Variants in FER observed in about 807,000 individuals in gnomAD.
The protein encoded by FER is FER tyrosine kinase, also known as tyrosine-protein kinase Fer.
FER carries 63 observed loss-of-function variants against 111.0 expected under a neutral mutation model. That is an observed-to-expected ratio of 0.57 (90% confidence interval 0.46 to 0.70). FER has a LOEUF of 0.70. FER is among the 30% of genes least tolerant of loss of function. The pLI, the probability that FER is intolerant of heterozygous loss-of-function variation, is 0.00. For missense variants in FER, 914 were observed against 954.0 expected (o/e 0.96, Z 0.55); for synonymous variants, 327 against 313.9 (o/e 1.04, Z -0.44).
At chr5:109,139,746 C>T (rs1439956099) in intron 17 of FER, among the ~76,000 whole-genome samples, 2 of 151,726 alleles carry the variant, frequency 1.3e-5, no homozygotes, top group African/African-American at 4.8e-5. Flanking sequence ...GCTGACATGC[C>T]CTAATGCTTA....
At chr5:108,790,999 A>T (rs978900936) in intron 2 of FER, among the ~76,000 whole-genome samples, 7 of 152,214 alleles carry the variant, frequency 4.6e-5, no homozygotes. Flanking sequence ...TTGCCAAATT[A>T]TATTCCATTG....
At chr5:109,081,719 A>T (rs932529039) in intron 16 of FER, among the ~76,000 whole-genome samples, 2 of 152,062 alleles carry the variant, frequency 1.3e-5, no homozygotes, top group African/African-American at 4.8e-5. Context: ...AGAGAAATGT[A>T]AGTCTTAGAA....
intron 7 of FER, among the ~76,000 whole-genome samples, 185 bp downstream of exon 7, chr5:108,871,687 G>T (rs1264070471): frequency 6.6e-6 from 1 of 151,740 alleles, no homozygotes; most frequent in Non-Finnish European, 1.5e-5. Flanking sequence ...ATAATGTATA[G>T]TTTTTGATAT....
chr5:108,822,764 T>TTTTATG lies in FER; in HGVS notation c.208-10004_208-10003insTATGTT, dbSNP rs1561470114. On this transcript the variant is annotated intron_variant, in intron 3 of 19. Coordinates refer to ENST00000281092, the MANE Select transcript of FER (RefSeq NM_005246.4). Reference sequence around the variant, plus strand: ...TTTTATTTTATTTTATTTTATTTTATTTATTTTATTTTATGTTATTTTATG... The same window carrying TTTTATG: ...TTTTATTTTATTTTATTTTATTTTATTTTATGTTATTTTATTTTATGTTATTTTATG... Among the ~76,000 whole-genome samples the TTTTATG allele has an allele frequency of 1.2e-4, 5 of 43,168 alleles. No individual in the cohort carries two copies. In the African/African-American group the frequency reaches 2.5e-3, roughly 22 times the overall value. The allele number at this position is 43,168 out of a possible 152,430, so 28.3% of individuals were successfully genotyped here. A position where few individuals can be genotyped will look rare whatever the true frequency, so the allele number is the denominator to read the frequency against.
rs1017026834 is a variant in FER at position 109,191,603 on chromosome 5, A to G, written c.*4028A>G. On this transcript the variant is annotated 3_prime_UTR_variant, in exon 20 of 20. Transcript: ENST00000281092. ...AGGTATTAATATCTTAATTAAATGG[A>G]ATCAGATTTTGTATGGAAATGAGTT... 6.6e-6 allele frequency: 1 copy of G among 152,168 alleles called. No homozygotes were observed. The highest frequency in any genetic ancestry group is 1.5e-5 in the Non-Finnish European group (1 of 68,018). The allele number at this position is 152,168 out of a possible 1,614,324, so 9.4% of individuals were successfully genotyped here. A position where few individuals can be genotyped will look rare whatever the true frequency, so the allele number is the denominator to read the frequency against.
intron 3 of FER, among the ~76,000 whole-genome samples, chr5:108,811,831 C>G (rs893904239): frequency 2.0e-5 from 3 of 152,166 alleles, no homozygotes; most frequent in Non-Finnish European, 4.4e-5. Flanking sequence ...AGATGAATAT[C>G]TGTTCTAGAA....
At chr5:109,120,612 C>T (rs1190299084) in intron 17 of FER, among the ~76,000 whole-genome samples, 1 of 151,812 alleles carries the variant, frequency 6.6e-6, no homozygotes, top group African/African-American at 2.4e-5. Flanking sequence ...TAAATTTTAG[C>T]TTTGTTTTTT....
At chr5:108,812,503 C>T (rs1015260087) in intron 3 of FER, among the ~76,000 whole-genome samples, 5 of 152,034 alleles carry the variant, frequency 3.3e-5, no homozygotes, top group African/African-American at 1.2e-4. Context: ...TGCTTGGTTT[C>T]CTAATATGAC....
chr5:108,751,292 T>A (rs1249794163), intron 1 of FER, among the ~76,000 whole-genome samples: 1 of 152,120 alleles, frequency 6.6e-6, no homozygotes, highest in Admixed American at 6.5e-5. Context: ...CACCAAATTA[T>A]AAGGTGCTTA....
intron 13 of FER, among the ~76,000 whole-genome samples, chr5:108,988,697 A>G (rs188622675): frequency 2.6e-5 from 4 of 152,188 alleles, no homozygotes; most frequent in African/African-American, 7.2e-5. Flanking sequence ...TAATGCTGCT[A>G]ATGATCTATC....
At chr5:109,010,468 T>A (rs1182766828) in intron 13 of FER, among the ~76,000 whole-genome samples, 1 of 152,126 alleles carries the variant, frequency 6.6e-6, no homozygotes, top group Non-Finnish European at 1.5e-5. Flanking sequence ...TTTTTATCCT[T>A]CTTTAAATGT....
rs1487270133 is a variant in FER at position 109,196,057 on chromosome 5, A to G, written c.*8482A>G. The G allele has an allele frequency of 3.2e-4, 48 of 152,224 alleles. No homozygotes were observed. Among genetic ancestry groups the G allele is most frequent in the Non-Finnish European group, 5.9e-5 (4 of 68,050 alleles). The allele number at this position is 152,224 out of a possible 1,614,324, so 9.4% of individuals were successfully genotyped here. On this transcript the variant is annotated 3_prime_UTR_variant, in exon 20 of 20. Transcript: ENST00000281092. ...TGGGAAAGCCCAGATGAAAAAATGG[A>G]AGAATAAAATCAAGTTGTCAAAGTT...
chr5:108,844,996 G>GTATATATATATATATATA (rs1178206742), intron 5 of FER, among the ~76,000 whole-genome samples: 1 of 29,290 alleles, frequency 3.4e-5, no homozygotes, highest in African/African-American at 9.9e-5. Context: ...GTGTGTGTGT[G>GTATATATATATATATATA]TATATATATA....
chr5:108,843,528 ATTTTTTT>A (rs1269283630), intron 5 of FER, among the ~76,000 whole-genome samples: 1 of 140,366 alleles, frequency 7.1e-6, no homozygotes, highest in African/African-American at 2.6e-5. Context: ...TGAAAGTTGA[ATTTTTTT>A]TTTTTTTTTT....
intron 16 of FER, among the ~76,000 whole-genome samples, chr5:109,096,236 A>C (rs1582009297): frequency 6.6e-6 from 1 of 152,008 alleles, no homozygotes; most frequent in Non-Finnish European, 1.5e-5. Flanking sequence ...CATCTCATTA[A>C]AAGTTGGCTG....
intron 12 of FER, among the ~76,000 whole-genome samples, chr5:108,956,014 A>G (rs1397167603): frequency 6.6e-6 from 1 of 151,770 alleles, no homozygotes; most frequent in Non-Finnish European, 1.5e-5. Context: ...GGTTAAAAGG[A>G]ATATATCCAT....
rs544010109 is a variant in FER, at chr5:109,001,293, G to A, written c.1657-36129G>A. On this transcript the variant is annotated intron_variant, in intron 13 of 19. Coordinates refer to ENST00000281092, the MANE Select transcript of FER (RefSeq NM_005246.4). ...CAAAAAGCTTATCCACCATGATCAA[G>A]TGGGCTTCTTCCCTGGGATGCAAGG... 1.5e-3 allele frequency among the ~76,000 whole-genome samples: 224 copies of A among 152,296 alleles called. 2 individuals are homozygous for A. Among genetic ancestry groups the A allele is most frequent in the African/African-American group, 5.0e-3 (208 of 41,568 alleles).
intron 13 of FER, among the ~76,000 whole-genome samples, chr5:108,988,884 T>G (rs866241761): frequency 6.6e-6 from 1 of 152,108 alleles, no homozygotes; most frequent in South Asian, 2.1e-4. Flanking sequence ...CCTTAGATTG[T>G]CTATTTGTAC....
chr5:108,784,308 C>G (rs990109802), intron 2 of FER: 1 of 153,092 alleles, frequency 6.5e-6, no homozygotes, highest in Non-Finnish European at 1.5e-5. Context: ...GACTTGGTCA[C>G]CTCCTCAGAT....
Sources: allele counts gnomAD v4.1 joint callset (sites outside exome capture counted in the v4.1 genomes callset), GRCh38; gene constraint gnomAD v4.1.1; transcripts MANE v1.5; gene names NCBI Gene and HGNC (gene_info 2026-07-23, HGNC 2026-07-21).